GRM7: variants seen among roughly 807,000 people sequenced by gnomAD.
GRM7 encodes glutamate metabotropic receptor 7, also known as metabotropic glutamate receptor 7.
In GRM7, 35 loss-of-function variants were observed where a neutral mutation model predicts 84.5. The ratio of observed to expected loss-of-function variants is 0.41; its 90% CI spans 0.32 to 0.55. The LOEUF (loss-of-function observed/expected upper bound fraction) is 0.55. Among genes scored for constraint, GRM7 ranks in the 20% least tolerant of loss-of-function variants. GRM7 has a pLI of 0.19. For missense variants in GRM7, 1,003 were observed against 1,194.6 expected, an observed-to-expected ratio of 0.84 and a Z score of 2.36; for synonymous variants, 487 against 455.1, an observed-to-expected ratio of 1.07 and a Z score of -0.89.
At chr3:7,110,638 T>G (rs1364548410) in intron 1 of GRM7, among the ~76,000 whole-genome samples, 2 of 148,254 alleles carry the variant, frequency 1.3e-5, no homozygotes, top group Non-Finnish European at 3.0e-5. Context: ...TATATAATTT[T>G]TTGCTAGAGG....
chr3:7,187,912 C>A (rs987419594), intron 2 of GRM7, among the ~76,000 whole-genome samples: 1 of 152,082 alleles, frequency 6.6e-6, no homozygotes, highest in East Asian at 1.9e-4. Flanking sequence ...GTGAGTCCCA[C>A]CTCCTACCTC....
At chr3:7,568,166 T>C (rs1027041774) in intron 7 of GRM7, among the ~76,000 whole-genome samples, 2 of 152,200 alleles carry the variant, frequency 1.3e-5, no homozygotes, top group Admixed American at 6.5e-5. Context: ...CTTTTCTTTA[T>C]TTCCATGCTT....
chr3:7,027,983 A>C (rs1696042358), intron 1 of GRM7, among the ~76,000 whole-genome samples: 1 of 152,194 alleles, frequency 6.6e-6, no homozygotes, highest in South Asian at 2.1e-4. Flanking sequence ...GCTTAATTAC[A>C]TACCTAATGT....
chr3:7,344,304 C>A (rs1198700380), intron 4 of GRM7, among the ~76,000 whole-genome samples: 1 of 152,102 alleles, frequency 6.6e-6, no homozygotes, highest in African/African-American at 2.4e-5. Context: ...TCCATGTGTT[C>A]TCATTGTTTA....
chr3:7,082,844 G>T (rs1490128038), intron 1 of GRM7, among the ~76,000 whole-genome samples: 5 of 152,116 alleles, frequency 3.3e-5, no homozygotes, highest in Non-Finnish European at 7.4e-5. Context: ...AATTGCAAGA[G>T]AACTAGAATT....
chr3:7,619,405 G>T (rs1056250445), intron 8 of GRM7, among the ~76,000 whole-genome samples: 1 of 151,736 alleles, frequency 6.6e-6, no homozygotes, highest in African/African-American at 2.4e-5. Flanking sequence ...AGAAATGGGC[G>T]GATTTCAGAA....
chr3:7,068,107 T>C (rs1270356034), intron 1 of GRM7, among the ~76,000 whole-genome samples: 6 of 151,950 alleles, frequency 3.9e-5, no homozygotes, highest in East Asian at 3.9e-4. Flanking sequence ...GGTCAAACCA[T>C]CTGAGACTGG....
intron 1 of GRM7, among the ~76,000 whole-genome samples, chr3:6,981,012 T>A (rs1356138641): frequency 6.6e-6 from 1 of 152,148 alleles, no homozygotes; most frequent in Non-Finnish European, 1.5e-5. Flanking sequence ...TTAGCCTACC[T>A]TGAGGAAGAA....
intron 1 of GRM7, among the ~76,000 whole-genome samples, chr3:6,991,509 C>T (rs143899010): frequency 5.8e-4 from 88 of 152,254 alleles, no homozygotes; most frequent in African/African-American, 2.1e-3. Flanking sequence ...CAAAAAATCA[C>T]TGAAATACAG....
chr3:7,700,822 G>A (rs1346113247), intron 9 of GRM7, among the ~76,000 whole-genome samples: 2 of 152,218 alleles, frequency 1.3e-5, no homozygotes, highest in African/African-American at 4.8e-5. Flanking sequence ...ACAGCCAGCA[G>A]CTGGCAGGAA....
chr3:6,931,925 C>T (rs765572119), intron 1 of GRM7, among the ~76,000 whole-genome samples: 6 of 152,098 alleles, frequency 3.9e-5, no homozygotes, highest in South Asian at 4.2e-4. Context: ...AGAAGAAAGT[C>T]GATTAAGTAA....
rs1267940982 is a variant in GRM7 at position 7,151,075 on chromosome 3, A to G, written c.736+4407A>G. On this transcript the variant is annotated intron_variant, in intron 2 of 9. Transcript: ENST00000357716. The surrounding 1 kb of genome is among the most constrained non-coding windows in gnomAD (Gnocchi z 4.5). ...GATCACTTAACATAGTTGTATTTCA[A>G]TTGTTCTTATAAAGTAATTATTATT... is the stretch of plus-strand genomic sequence containing the variant. Among the ~76,000 whole-genome samples, 9 of 152,164 alleles carry G rather than the reference A, an allele frequency of 5.9e-5. No individual in the cohort carries two copies. The highest frequency in any genetic ancestry group is 4.6e-4 in the Admixed American group (7 of 15,266).
intron 1 of GRM7, among the ~76,000 whole-genome samples, chr3:7,059,505 T>C (rs2124967309): frequency 6.6e-6 from 1 of 151,950 alleles, no homozygotes; most frequent in East Asian, 2.0e-4. Flanking sequence ...TCTTTGATCA[T>C]TATTAGTCTA....
intron 1 of GRM7, among the ~76,000 whole-genome samples, chr3:7,143,434 T>G (rs1694013259): frequency 6.6e-6 from 1 of 152,140 alleles, no homozygotes; most frequent in South Asian, 2.1e-4. Context: ...ATCATTATAT[T>G]CATAGTGTCA....
At chr3:7,217,118 C>CT (rs1220236771) in intron 2 of GRM7, among the ~76,000 whole-genome samples, 4 of 152,042 alleles carry the variant, frequency 2.6e-5, no homozygotes, top group Non-Finnish European at 5.9e-5. Flanking sequence ...GACAAAATGC[C>CT]TTTTTTAATA....
chr3:7,573,181 G>A (rs1242825442), intron 7 of GRM7, among the ~76,000 whole-genome samples: 1 of 151,670 alleles, frequency 6.6e-6, no homozygotes, highest in East Asian at 2.0e-4. Context: ...ACATACCTAT[G>A]AATTCTTCCT....
chr3:7,629,514 G>A (rs1020085414), intron 8 of GRM7, among the ~76,000 whole-genome samples: 4 of 152,142 alleles, frequency 2.6e-5, no homozygotes, highest in Non-Finnish European at 5.9e-5. Flanking sequence ...GTGGACACCA[G>A]CCATATTGGA....
intron 3 of GRM7, among the ~76,000 whole-genome samples, chr3:7,303,856 C>T (rs1255731514): frequency 6.6e-6 from 1 of 151,270 alleles, no homozygotes; most frequent in Non-Finnish European, 1.5e-5. Flanking sequence ...TGTTTTACCA[C>T]TTCCTTTTTT....
At chr3:7,263,682 G>C (rs527475128) in intron 2 of GRM7, among the ~76,000 whole-genome samples, 1 of 152,276 alleles carries the variant, frequency 6.6e-6, no homozygotes, top group East Asian at 1.9e-4. Context: ...TCAGAGCAGA[G>C]TTGGGTCTGC....
Sources: gnomAD v4.1 joint callset for allele counts (sites outside exome capture counted in the v4.1 genomes callset) on GRCh38, gnomAD v4.1.1 for gene constraint, Gnocchi (gnomAD v3.1) non-coding constraint, MANE v1.5 for transcripts, NCBI Gene and HGNC (gene_info 2026-07-23, HGNC 2026-07-21) for gene names.